Variants in MIB1 observed in about 807,000 individuals in gnomAD.
The protein encoded by MIB1 is MIB E3 ubiquitin protein ligase 1, also known as E3 ubiquitin-protein ligase MIB1.
Under a neutral mutation model 124.5 loss-of-function variants are expected in MIB1, and 278 were observed. That is an observed-to-expected ratio of 2.23 (90% CI 2.02 to 2.47). The LOEUF (loss-of-function observed/expected upper bound fraction) is 2.47. Among genes scored for constraint, MIB1 ranks in the 30% most tolerant of loss-of-function variants. The probability of loss-of-function intolerance (pLI) is 0.00; values close to 1 mark genes in which losing one functional copy is unlikely to be tolerated. For synonymous variants in MIB1, 446 were observed against 429.4 expected (o/e 1.04, Z -0.48); for missense variants, 957 against 1,254.4 (o/e 0.76, Z 3.58).
chr18:21,854,132 A>G (rs1249420702), intron 18 of MIB1, among the ~76,000 whole-genome samples: 1 of 152,120 alleles, frequency 6.6e-6, no homozygotes, highest in African/African-American at 2.4e-5. Flanking sequence ...AAAGAGTGGT[A>G]TAATGGCTAT....
intron 1 of MIB1, among the ~76,000 whole-genome samples, chr18:21,707,070 A>G (rs937621498): frequency 2.0e-5 from 3 of 152,314 alleles, no homozygotes; most frequent in Admixed American, 6.5e-5. Flanking sequence ...AGGTTTGTAA[A>G]TGCACCAATC....
chr18:21,706,977 C>T (rs1412078470), intron 1 of MIB1, among the ~76,000 whole-genome samples: 2 of 152,244 alleles, frequency 1.3e-5, no homozygotes, highest in African/African-American at 4.8e-5. Context: ...AGCTGGGCTC[C>T]TGAGTCTAGT....
At chr18:21,827,125 T>C (rs2041932483) in intron 12 of MIB1, 1 of 152,224 alleles carries the variant, frequency 6.6e-6, no homozygotes. Context: ...CATTTGATAA[T>C]GTCAGCATCT....
intron 12 of MIB1, among the ~76,000 whole-genome samples, chr18:21,824,491 C>T (rs541818815): frequency 6.6e-6 from 1 of 152,186 alleles, no homozygotes; most frequent in East Asian, 1.9e-4. Flanking sequence ...CAAAATATAG[C>T]TGAGTCTATT....
chr18:21,858,020 G>T (rs1289353774), intron 19 of MIB1, among the ~76,000 whole-genome samples: 1 of 152,212 alleles, frequency 6.6e-6, no homozygotes, highest in Non-Finnish European at 1.5e-5. Context: ...CTCCATGTTT[G>T]CATACTACAG....
At position 21,867,556 on chromosome 18, in the gene MIB1, G is replaced by A. The variant is rs979822280; in HGVS notation, c.*2890G>A. ...TAGGAATATATTAGACAAATGTTTA[G>A]TTGGTCAAATTATGCATAAGATATT... On this transcript the variant is annotated 3_prime_UTR_variant, in exon 21 of 21. Transcript: ENST00000261537. 5 of 152,546 alleles carry A rather than the reference G, an allele frequency of 3.3e-5. No individual in the cohort carries two copies. Among genetic ancestry groups the A allele is most frequent in the Admixed American group, 3.3e-4 (5 of 15,274 alleles). The allele number at this position is 152,546 out of a possible 1,614,324, so 9.4% of individuals were successfully genotyped here.
intron 1 of MIB1, among the ~76,000 whole-genome samples, chr18:21,709,864 T>A (rs1472157618): frequency 9.2e-5 from 14 of 152,196 alleles, no homozygotes; most frequent in Non-Finnish European, 1.5e-5. Flanking sequence ...GAAGAGTTTG[T>A]ATAGGACGAT....
At chr18:21,765,735 T>C (rs2041149470) in intron 1 of MIB1, 37 bp from the exon 2 acceptor site, 1 of 1,568,880 alleles carries the variant, frequency 6.4e-7, no homozygotes, top group Non-Finnish European at 8.7e-7. Context: ...TAAATAAAAT[T>C]TGTGATTAAT....
chr18:21,760,801 G>A (rs560694813), intron 1 of MIB1, among the ~76,000 whole-genome samples: 1 of 152,136 alleles, frequency 6.6e-6, no homozygotes, highest in South Asian at 2.1e-4. Flanking sequence ...TTTTCCCTAC[G>A]TCTTTCATCA....
chr18:21,828,938 G>A lies in MIB1; in HGVS notation c.1829+9292G>A, dbSNP rs574807931. 8.4e-4 allele frequency: 379 copies of A among 452,674 alleles called. 5 individuals are homozygous for A. Among genetic ancestry groups the A allele is most frequent in the Non-Finnish European group, 1.0e-4 (22 of 220,988 alleles). 28.0% of individuals were successfully genotyped at this position (452,674 alleles called of 1,614,324 possible). ...GACTAGGTTAATTTACCATATGACG[G>A]TCATTCACGTAGAAAGAAGCAAGAG... On this transcript the variant is annotated intron_variant, in intron 12 of 20. Coordinates refer to ENST00000261537, the MANE Select transcript of MIB1 (RefSeq NM_020774.4).
chr18:21,843,480 C>T (rs1397372077), intron 14 of MIB1, among the ~76,000 whole-genome samples: 2 of 152,096 alleles, frequency 1.3e-5, no homozygotes, highest in Non-Finnish European at 2.9e-5. Context: ...TGTTAAAGCA[C>T]CATAAGCAAA....
chr18:21,768,100 A>G (rs533532649), intron 2 of MIB1, among the ~76,000 whole-genome samples: 2 of 152,260 alleles, frequency 1.3e-5, no homozygotes, highest in African/African-American at 4.8e-5. Context: ...GTCAAGTGCC[A>G]TTTGCCATTG....
chr18:21,803,259 T>G (rs111420750), intron 9 of MIB1, among the ~76,000 whole-genome samples: 62 of 152,350 alleles, frequency 4.1e-4, no homozygotes, highest in African/African-American at 1.5e-3. Flanking sequence ...CTACCATCTT[T>G]AACTATCTTT....
rs117930226 is a variant in MIB1 at position 21,849,664 on chromosome 18, A to G, written c.2586+276A>G. Among the ~76,000 whole-genome samples, 1,202 of 152,096 alleles carry G rather than the reference A, an allele frequency of 7.9e-3. 9 individuals are homozygous for G. The highest frequency in any genetic ancestry group is 0.013 in the South Asian group (64 of 4,820). ...TACTGTCAAATTTTTTTAGCTCTTA[A>G]TGTGTTTCCTTCATTATATCTAAAG... On this transcript the variant is annotated intron_variant, in intron 17 of 20. Transcript: ENST00000261537.
intron 6 of MIB1, among the ~76,000 whole-genome samples, chr18:21,780,239 T>C (rs1187954042): frequency 1.3e-5 from 2 of 152,214 alleles, no homozygotes; most frequent in Non-Finnish European, 2.9e-5. Context: ...CTTCTTTACA[T>C]TGGGAACATT....
At chr18:21,765,601 C>T (rs954287577) in intron 1 of MIB1, among the ~76,000 whole-genome samples, 171 bp from the exon 2 acceptor site, 3 of 152,102 alleles carry the variant, frequency 2.0e-5, no homozygotes, top group African/African-American at 4.8e-5. Context: ...CATTTATTAA[C>T]GTAGTTGAGA....
intron 12 of MIB1, chr18:21,826,357 C>A (rs1163866154): frequency 5.9e-5 from 9 of 152,294 alleles, no homozygotes; most frequent in Non-Finnish European, 1.3e-4. Context: ...AAATAGATCA[C>A]ATGTGTATTC....
intron 1 of MIB1, among the ~76,000 whole-genome samples, chr18:21,723,620 ATTC>A (rs1436831881): frequency 6.6e-6 from 1 of 151,990 alleles, no homozygotes; most frequent in Non-Finnish European, 1.5e-5. Context: ...GGTTCAAGCA[ATTC>A]TTCTGCCTCA....
chr18:21,815,677 A>G lies in MIB1; in HGVS notation c.1541A>G (p.Glu514Gly), dbSNP rs1258560113. 2 of 1,614,130 alleles carry G rather than the reference A, an allele frequency of 1.2e-6. No individual in the cohort carries two copies. Among genetic ancestry groups the G allele is most frequent in the Non-Finnish European group, 1.7e-6 (2 of 1,180,000 alleles). Residue 514 changes from glutamate to glycine, a missense_variant, in exon 11 of 21, where the codon GAA becomes GGA. Physicochemically the swap from Glu to Gly is moderately conservative, Grantham distance 98. Transcript: ENST00000261537. Reference sequence around the variant, plus strand: ...TTTGGAGATGAAGGCGCTGTTATAGAAGTACTACATCGAGGTAGTGCTGAT... The same window carrying G: ...TTTGGAGATGAAGGCGCTGTTATAGGAGTACTACATCGAGGTAGTGCTGAT... ...AAFGDEGAVI[E>G]VLHRGSADLN...
Sources: allele counts gnomAD v4.1 joint callset (sites outside exome capture counted in the v4.1 genomes callset), GRCh38; gene constraint gnomAD v4.1.1; transcripts MANE v1.5; gene names NCBI Gene and HGNC (gene_info 2026-07-23, HGNC 2026-07-21).